The following ATE1 variants were observed in gnomAD, a reference collection of about 807,000 sequenced individuals.
ATE1 encodes arginyl-tRNA--protein transferase 1.
In ATE1, 36 loss-of-function variants were observed where a neutral mutation model predicts 70.5. That is an observed-to-expected ratio of 0.51 (90% confidence interval 0.39 to 0.67). The LOEUF (loss-of-function observed/expected upper bound fraction) is 0.67, where lower values mean the gene tolerates loss of function less well. Among genes scored for constraint, ATE1 ranks in the 30% least tolerant of loss-of-function variants. ATE1 has a pLI of 0.00. For synonymous variants in ATE1, 232 were observed against 219.3 expected, an observed-to-expected ratio of 1.06 and a Z score of -0.51; for missense variants, 593 against 629.5, an observed-to-expected ratio of 0.94 and a Z score of 0.62.
At chr10:121,748,119 CTA>C (rs1944438472) in intron 11 of ATE1, among the ~76,000 whole-genome samples, 1 of 152,178 alleles carries the variant, frequency 6.6e-6, no homozygotes, top group Non-Finnish European at 1.5e-5. Context: ...TAAAGTATGT[CTA>C]TATTTATACA....
At chr10:121,757,213 T>A (rs1272005937) in intron 11 of ATE1, among the ~76,000 whole-genome samples, 1 of 152,186 alleles carries the variant, frequency 6.6e-6, no homozygotes, top group Non-Finnish European at 1.5e-5. Context: ...TTGCTCCAGT[T>A]CCCAACGAGT....
At chr10:121,766,599 TAAAAAATCC>T (rs1421865049) in intron 11 of ATE1, among the ~76,000 whole-genome samples, 4 of 151,926 alleles carry the variant, frequency 2.6e-5, no homozygotes, top group African/African-American at 9.7e-5. Context: ...ACACACAGAC[TAAAAAATCC>T]CCGAAATTTG....
At chr10:121,779,627 TAGAAGAA>T (rs10602438) in intron 11 of ATE1, among the ~76,000 whole-genome samples, 141,240 of 151,782 alleles carry the variant, frequency 0.93, 66,066 homozygotes, top group Non-Finnish European at 0.98. Flanking sequence ...ATCTTTCTTG[TAGAAGAA>T]AGAAGAAAGA....
Position 121,742,163 on chromosome 10 carries a change from T to A in ATE1, c.*1517A>T, listed in dbSNP as rs1012152018. 7 of 152,228 alleles carry A rather than the reference T, an allele frequency of 4.6e-5. No homozygotes were observed. Among genetic ancestry groups the A allele is most frequent in the African/African-American group, 1.4e-4 (6 of 41,452 alleles). The allele number at this position is 152,228 out of a possible 1,614,324, so 9.4% of individuals were successfully genotyped here. A position where few individuals can be genotyped will look rare whatever the true frequency, so the allele number is the denominator to read the frequency against. ...GCAGAGTACGCAGCACCTTGGCAGG[T>A]GTGACACACACACTCTGAATGAAGA... On this transcript the variant is annotated 3_prime_UTR_variant, in exon 12 of 12. Transcript: ENST00000224652.
rs1284241929 is a variant in ATE1 at position 121,913,838 on chromosome 10, T to C, written c.289A>G (p.Met97Val). 1 of 1,610,774 alleles carries C rather than the reference T, an allele frequency of 6.2e-7. No homozygotes were observed. Among genetic ancestry groups the C allele is most frequent in the Non-Finnish European group, 8.5e-7 (1 of 1,177,568 alleles). Residue 97 changes from methionine (M) to valine (V), a missense_variant, in exon 4 of 12, where the codon ATG becomes GTG. Transcript: ENST00000224652. ...TCCCCTTTAGCTAGAAATTTCAACA[T>C]TTTTTTCAAAACCTTCTTGTGAGAT... ...SKSHKKVLKK[M>V]LKFLAKGEVP...
intron 7 of ATE1, among the ~76,000 whole-genome samples, chr10:121,873,220 C>A (rs1345026913): frequency 6.6e-6 from 1 of 151,980 alleles, no homozygotes; most frequent in African/African-American, 2.4e-5. Context: ...ATTCTAAATG[C>A]CAATTATTCT....
chr10:121,926,456 T>C (rs1488675926), intron 1 of ATE1, among the ~76,000 whole-genome samples: 1 of 151,784 alleles, frequency 6.6e-6, no homozygotes, highest in Non-Finnish European at 1.5e-5. Flanking sequence ...TAATAAAGAG[T>C]ATTAAAATTA....
chr10:121,846,903 A>G (rs1948846986), intron 8 of ATE1, among the ~76,000 whole-genome samples: 1 of 152,182 alleles, frequency 6.6e-6, no homozygotes, highest in African/African-American at 2.4e-5. Context: ...AAAGCAGGTG[A>G]GCAAAAAGAA....
chr10:121,914,023 T>C (rs943139083), intron 3 of ATE1, 130 bp from the exon 4 acceptor site: 3 of 626,578 alleles, frequency 4.8e-6, no homozygotes, highest in Non-Finnish European at 8.1e-6. Flanking sequence ...GGGCTTAATG[T>C]AGCCTCTAAT....
intron 10 of ATE1, among the ~76,000 whole-genome samples, chr10:121,797,590 A>T (rs1946709596): frequency 5.0e-4 from 1 of 2,020 alleles, no homozygotes; most frequent in Non-Finnish European, 3.5e-3. Context: ...GAGTGGGAGT[A>T]AAAAAAAAAA....
chr10:121,753,402 T>C (rs1267082044), intron 11 of ATE1, among the ~76,000 whole-genome samples: 2 of 152,204 alleles, frequency 1.3e-5, no homozygotes, highest in Admixed American at 1.3e-4. Context: ...AAAAACAACA[T>C]TGGCTCCCAA....
intron 7 of ATE1, among the ~76,000 whole-genome samples, chr10:121,871,201 TC>T (rs1949843645): frequency 6.6e-6 from 1 of 152,164 alleles, no homozygotes; most frequent in East Asian, 1.9e-4. Context: ...ACGCATGTAA[TC>T]CCAGCACTTT....
rs1011190164 is a variant in ATE1 at position 121,758,658 on chromosome 10, T to C, written c.1379-14800A>G. 6.6e-5 allele frequency among the ~76,000 whole-genome samples: 10 copies of C among 152,190 alleles called. 1 individual carries two copies. Among genetic ancestry groups the C allele is most frequent in the African/African-American group, 2.4e-4 (10 of 41,450 alleles). On this transcript the variant is annotated intron_variant, in intron 11 of 11. Transcript: ENST00000224652. Reference sequence around the variant, plus strand: ...AGGGTTTGTTTGTTTGTTTGTTTGTTTTTACAAATTAAAGATTTGTGGCAA... The same window carrying C: ...AGGGTTTGTTTGTTTGTTTGTTTGTCTTTACAAATTAAAGATTTGTGGCAA...
intron 1 of ATE1, among the ~76,000 whole-genome samples, chr10:121,925,497 G>A (rs955382347): frequency 6.6e-6 from 1 of 151,924 alleles, no homozygotes; most frequent in African/African-American, 2.4e-5. Context: ...TGATTACAGG[G>A]GCTATGATGT....
chr10:121,823,395 G>T (rs1223102009), intron 10 of ATE1, among the ~76,000 whole-genome samples: 2 of 152,202 alleles, frequency 1.3e-5, no homozygotes, highest in African/African-American at 4.8e-5. Flanking sequence ...GAAGGTGAAG[G>T]TGAAGTGGGG....
At position 121,924,335 on chromosome 10, in the gene ATE1, A is replaced by C. The variant is rs767961286; in HGVS notation, c.107-6T>G. The stretch of plus-strand genomic sequence containing the variant: ...CATGGAATGTGCCCACATGCCTGAA[A>C]AAATAAGTAGTGTGTTAATTACGGC... On this transcript the variant is annotated splice_region_variant and splice_polypyrimidine_tract_variant and intron_variant, in intron 1 of 11. Coordinates refer to ENST00000224652, the MANE Select transcript of ATE1 (RefSeq NM_001001976.3). 3.3e-5 allele frequency: 54 copies of C among 1,613,156 alleles called. No individual in the cohort carries two copies. The highest frequency in any genetic ancestry group is 4.5e-5 in the Non-Finnish European group (53 of 1,179,250).
intron 5 of ATE1, among the ~76,000 whole-genome samples, chr10:121,906,528 C>CAGAATAAAAT (rs1554931144): frequency 2.1e-5 from 3 of 145,940 alleles, no homozygotes; most frequent in African/African-American, 5.1e-5. Context: ...GACCCTGTCT[C>CAGAATAAAAT]AAAATAAAAT....
intron 11 of ATE1, among the ~76,000 whole-genome samples, chr10:121,761,390 T>C (rs1945032664): frequency 1.3e-5 from 2 of 152,230 alleles, no homozygotes; most frequent in African/African-American, 2.4e-5. Flanking sequence ...AAAAACATTA[T>C]GATTTGCTGA....
intron 10 of ATE1, among the ~76,000 whole-genome samples, chr10:121,812,894 TCA>T (rs1947383971): frequency 6.6e-6 from 1 of 152,230 alleles, no homozygotes; most frequent in African/African-American, 2.4e-5. Context: ...CACCTTGATC[TCA>T]GTTTTCATTG....
Sources: allele counts gnomAD v4.1 joint callset (sites outside exome capture counted in the v4.1 genomes callset), GRCh38; gene constraint gnomAD v4.1.1; transcripts MANE v1.5; gene names NCBI Gene and HGNC (gene_info 2026-07-23, HGNC 2026-07-21).